The following LRRK2 variants were observed in gnomAD, a reference collection of about 807,000 sequenced individuals.
LRRK2 encodes leucine rich repeat kinase 2.
LRRK2 carries 203 observed loss-of-function variants against 302.6 expected under a neutral mutation model. That is an observed-to-expected ratio of 0.67 (90% CI 0.60 to 0.75). LRRK2 has a LOEUF of 0.75. Among genes scored for constraint, LRRK2 ranks in the 30% least tolerant of loss-of-function variants. The probability of loss-of-function intolerance (pLI) is 0.00; values close to 1 mark genes in which losing one functional copy is unlikely to be tolerated. For missense variants in LRRK2, 2,830 were observed against 2,951.0 expected (o/e 0.96, Z 0.95); for synonymous variants, 1,066 against 1,031.9 (o/e 1.03, Z -0.63).
intron 14 of LRRK2, among the ~76,000 whole-genome samples, chr12:40,269,643 T>G (rs1943153349): frequency 6.6e-6 from 1 of 152,200 alleles, no homozygotes; most frequent in African/African-American, 2.4e-5. Context: ...CAATAGAGAC[T>G]AATCAGATAA....
rs1388836009 is a variant in LRRK2 at position 40,238,097 on chromosome 12, G to C, written c.565G>C (p.Glu189Gln). The change falls in exon 5 of 51, where the codon GAG becomes CAG. Residue 189 changes from glutamate to glutamine, a missense_variant. By Grantham distance (29) the Glu-to-Gln change is conservative (BLOSUM62 2). Coordinates refer to ENST00000298910, the MANE Select transcript of LRRK2 (RefSeq NM_198578.4). ...LGCKALHVLF[E>Q]RVSEEQLTEF... is the part of the protein sequence containing the mutation. The stretch of plus-strand genomic sequence containing the variant: ...ATGCAAAGCTTTACATGTGCTGTTT[G>C]AGAGAGGTATTTTAAAATGTCAAAT... 6.2e-7 allele frequency: 1 copy of C among 1,613,366 alleles called. No individual in the cohort carries two copies. Among genetic ancestry groups the C allele is most frequent in the Non-Finnish European group, 8.5e-7 (1 of 1,179,684 alleles).
At chr12:40,235,015 T>G (rs990330653) in intron 3 of LRRK2, among the ~76,000 whole-genome samples, 13 of 152,088 alleles carry the variant, frequency 8.5e-5, no homozygotes, top group Non-Finnish European at 1.9e-4. Context: ...TTTTTTTTAT[T>G]TTTTTAACTT....
intron 38 of LRRK2, among the ~76,000 whole-genome samples, chr12:40,324,007 A>G (rs1006602078): frequency 1.3e-5 from 2 of 152,048 alleles, no homozygotes; most frequent in East Asian, 1.9e-4. Flanking sequence ...GGCCTAAAAG[A>G]TGTTTTTAAA....
At chr12:40,300,905 G>A (rs1565729375) in intron 25 of LRRK2, 1 of 471,118 alleles carries the variant, frequency 2.1e-6, no homozygotes, top group Non-Finnish European at 4.4e-6. Flanking sequence ...AGTTGGGTCT[G>A]GAAAGAGGAG....
At chr12:40,301,216 C>G (rs1196842162) in intron 25 of LRRK2, among the ~76,000 whole-genome samples, 1 of 152,056 alleles carries the variant, frequency 6.6e-6, no homozygotes, top group East Asian at 1.9e-4. Context: ...GGACCACTAA[C>G]CATTAAAAAA....
intron 39 of LRRK2, among the ~76,000 whole-genome samples, chr12:40,332,274 A>G (rs1945735026): frequency 6.6e-6 from 1 of 152,132 alleles, no homozygotes; most frequent in African/African-American, 2.4e-5. Flanking sequence ...GGGTTGAGTA[A>G]CTCAGTACTC....
intron 14 of LRRK2, among the ~76,000 whole-genome samples, chr12:40,265,657 GGT>G (rs1942977254): frequency 6.6e-6 from 1 of 152,088 alleles, no homozygotes; most frequent in Non-Finnish European, 1.5e-5. Flanking sequence ...TCCACCCAGG[GGT>G]GTGTGTTTTA....
chr12:40,366,975 C>T, intron 49 of LRRK2, 31 bp from the exon 50 acceptor site: 1 of 1,547,284 alleles, frequency 6.5e-7, no homozygotes, highest in Non-Finnish European at 8.9e-7. Flanking sequence ...ATAGTTTTAA[C>T]AGAAAACTTA....
intron 33 of LRRK2, among the ~76,000 whole-genome samples, chr12:40,317,343 A>G (rs527422216): frequency 2.0e-5 from 3 of 152,240 alleles, no homozygotes; most frequent in Admixed American, 6.6e-5. Flanking sequence ...TTTATCACTA[A>G]GGTTTAAAGG....
At chr12:40,340,045 T>C (rs767026919) in intron 40 of LRRK2, among the ~76,000 whole-genome samples, 3 of 152,236 alleles carry the variant, frequency 2.0e-5, no homozygotes, top group Non-Finnish European at 2.9e-5. Flanking sequence ...TTGCCTGAGA[T>C]AGATTTGTCT....
intron 31 of LRRK2, among the ~76,000 whole-genome samples, chr12:40,311,783 C>T (rs1180643589): frequency 1.3e-5 from 2 of 152,066 alleles, no homozygotes; most frequent in East Asian, 1.9e-4. Flanking sequence ...CTTCAACACA[C>T]ATTTATTACA....
chr12:40,235,793 G>GT (rs36024911), intron 4 of LRRK2, 79 bp downstream of exon 4: 172,963 of 449,984 alleles, frequency 0.38, 22,958 homozygotes, highest in African/African-American at 0.41. Flanking sequence ...GTGTGTGTGT[G>GT]TTTTTTTTTT....
Position 40,294,911 on chromosome 12 carries a change from C to T in LRRK2, c.2875C>T (p.Leu959Phe), listed in dbSNP as rs781399572. The change falls in exon 22 of 51, where the codon CTC becomes TTC. Residue 959 changes from leucine (L) to phenylalanine (F), a missense_variant. Leu to Phe is a conservative substitution (Grantham distance 22). Coordinates refer to ENST00000298910, the MANE Select transcript of LRRK2 (RefSeq NM_198578.4). ...KRKILSSDDS[L>F]RSSKLQSHMR... ...AAAAATATTATCTTCAGATGATTCACTCAGTAAGTATTTGGATGTAATCAT... is the reference window on the plus strand; with the variant it reads ...AAAAATATTATCTTCAGATGATTCATTCAGTAAGTATTTGGATGTAATCAT... 1 of 1,518,940 alleles carries T rather than the reference C, an allele frequency of 6.6e-7. No homozygotes were observed. The highest frequency in any genetic ancestry group is 1.2e-5 in the South Asian group (1 of 86,514). The allele number at this position is 1,518,940 out of a possible 1,614,324, so 94.1% of individuals were successfully genotyped here. A position where few individuals can be genotyped will look rare whatever the true frequency, so the allele number is the denominator to read the frequency against.
At chr12:40,352,652 T>TC (rs1946391097) in intron 44 of LRRK2, among the ~76,000 whole-genome samples, 1 of 147,058 alleles carries the variant, frequency 6.8e-6, no homozygotes, top group African/African-American at 2.5e-5. Flanking sequence ...GATTAGGGAG[T>TC]AGTGATGACT....
intron 2 of LRRK2, 110 bp from the exon 3 acceptor site, chr12:40,232,164 C>CA (rs771668041): frequency 9.5e-5 from 77 of 810,440 alleles, no homozygotes; most frequent in Non-Finnish European, 1.6e-4. Flanking sequence ...CCATTGTTTA[C>CA]AAGTGAGATA....
chr12:40,354,349 T>A lies in LRRK2; in HGVS notation c.6627T>A (p.Val2209=). The A allele has an allele frequency of 6.2e-7, 1 of 1,614,140 alleles. No homozygotes were observed. The highest frequency in any genetic ancestry group is 8.5e-7 in the Non-Finnish European group (1 of 1,179,996). Residue 2209 remains valine, a synonymous_variant, in exon 45 of 51, where the codon GTT becomes GTA. Transcript: ENST00000298910. The stretch of plus-strand genomic sequence containing the variant: ...GCTTAGCCTTGGTGCATCTTCCTGT[T>A]GAAAAGGAAAGCTGGATTGTGTCTG... ...ILCLALVHLP[V]EKESWIVSGT...
chr12:40,363,331 G>A, intron 47 of LRRK2, 71 bp from the exon 48 acceptor site: 1 of 1,437,886 alleles, frequency 7.0e-7, no homozygotes, highest in Non-Finnish European at 9.7e-7. Context: ...ACTAATATAA[G>A]GTTGTATTAC....
At chr12:40,336,871 A>G (rs1407363025) in intron 40 of LRRK2, among the ~76,000 whole-genome samples, 1 of 152,174 alleles carries the variant, frequency 6.6e-6, no homozygotes, top group Non-Finnish European at 1.5e-5. Context: ...GTTTTTCCCT[A>G]ATTCTTCCAC....
intron 28 of LRRK2, among the ~76,000 whole-genome samples, chr12:40,307,633 A>G (rs1944870212): frequency 6.6e-6 from 1 of 152,010 alleles, no homozygotes; most frequent in African/African-American, 2.4e-5. Context: ...ATATATGAAT[A>G]TATACACACA....
Sources: gnomAD v4.1 joint callset for allele counts (sites outside exome capture counted in the v4.1 genomes callset) on GRCh38, gnomAD v4.1.1 for gene constraint, MANE v1.5 for transcripts, NCBI Gene and HGNC (gene_info 2026-07-23, HGNC 2026-07-21) for gene names.